Variants in CDC7 observed in about 807,000 individuals in gnomAD.
CDC7 encodes cell division cycle 7-related protein kinase.
A neutral mutation model predicts 53.5 loss-of-function variants in CDC7; 34 were observed. The ratio of observed to expected loss-of-function variants is 0.64; its 90% confidence interval spans 0.48 to 0.85. The LOEUF is 0.85. CDC7 is among the 40% of genes least tolerant of loss of function. CDC7 has a pLI of 0.00. For missense variants in CDC7, 594 were observed against 679.7 expected, an observed-to-expected ratio of 0.87 and a Z score of 1.40; for synonymous variants, 211 against 222.8, an observed-to-expected ratio of 0.95 and a Z score of 0.47.
At chr1:91,502,238 C>T (rs932206818) in intron 2 of CDC7, among the ~76,000 whole-genome samples, 8 of 152,110 alleles carry the variant, frequency 5.3e-5, no homozygotes, top group Non-Finnish European at 1.0e-4. Context: ...ATGTTTGTAG[C>T]AATAATAAAG....
chr1:91,503,667 A>C (rs1005971872), intron 2 of CDC7, among the ~76,000 whole-genome samples: 4 of 152,220 alleles, frequency 2.6e-5, no homozygotes, highest in Non-Finnish European at 5.9e-5. Context: ...GATTTTTATA[A>C]CATTTTTCTG....
intron 11 of CDC7, among the ~76,000 whole-genome samples, chr1:91,520,814 GA>G (rs757654229): frequency 8.5e-5 from 13 of 152,176 alleles, no homozygotes; most frequent in Admixed American, 3.9e-4. Context: ...CGGTAGCAGA[GA>G]AGCAGAATGC....
intron 2 of CDC7, among the ~76,000 whole-genome samples, chr1:91,503,433 T>G (rs773424372): frequency 1.3e-5 from 2 of 152,144 alleles, no homozygotes; most frequent in Non-Finnish European, 2.9e-5. Flanking sequence ...TCAAATTAGA[T>G]CATGAGACAG....
chr1:91,510,614 T>TGTTACAGAC (rs1667237336), intron 4 of CDC7, among the ~76,000 whole-genome samples: 1 of 152,194 alleles, frequency 6.6e-6, no homozygotes, highest in South Asian at 2.1e-4. Context: ...TTTTTCTATA[T>TGTTACAGAC]TTTTAACTGT....
intron 10 of CDC7, among the ~76,000 whole-genome samples, chr1:91,519,466 G>A (rs928724344): frequency 6.6e-6 from 1 of 151,748 alleles, no homozygotes; most frequent in Non-Finnish European, 1.5e-5. Context: ...TGGATTGTTC[G>A]TAACACAAAG....
intron 9 of CDC7, among the ~76,000 whole-genome samples, chr1:91,515,492 T>C (rs1667510806): frequency 6.6e-6 from 1 of 152,244 alleles, no homozygotes; most frequent in Non-Finnish European, 1.5e-5. Flanking sequence ...TTTTTATACC[T>C]GTGAATTGCT....
At chr1:91,506,125 A>C (rs941342130) in intron 2 of CDC7, among the ~76,000 whole-genome samples, 1 of 152,160 alleles carries the variant, frequency 6.6e-6, no homozygotes, top group Non-Finnish European at 1.5e-5. Flanking sequence ...CTTCTGCCTC[A>C]GTCTCTGTAG....
rs770039227 is a variant in CDC7 at position 91,508,294 on chromosome 1, C to T, written c.232C>T (p.Gln78Ter). The T allele has an allele frequency of 3.1e-6, 5 of 1,611,014 alleles. No homozygotes were observed. In the Admixed American group the frequency reaches 6.7e-5, roughly 22 times the overall value. The change falls in exon 4 of 12, where the codon CAG (glutamine) becomes TAG (stop). Residue 78 changes from glutamine to a stop codon, truncating the protein, a stop_gained. Transcript: ENST00000234626. LOFTEE classifies it high-confidence loss of function. ...TFSSVYLATA[Q>*]LQVGPEEKIA... is the part of the protein sequence containing the mutation. The stretch of plus-strand genomic sequence containing the variant: ...CAGCTCTGTTTATTTGGCCACAGCA[C>T]AGTTACAAGTAGGACCTGAAGAGAA...
intron 10 of CDC7, among the ~76,000 whole-genome samples, chr1:91,516,936 GCACCTGTAAT>G (rs1469521716): frequency 2.0e-5 from 3 of 152,034 alleles, no homozygotes; most frequent in African/African-American, 7.2e-5. Flanking sequence ...GTGGTGGTGC[GCACCTGTAAT>G]CCCAGCTACT....
rs1458077227 is a variant in CDC7, at chr1:91,524,104, T to TC, written c.1395dup (p.Arg466GlnfsTer6). The TC allele has an allele frequency of 1.2e-6, 2 of 1,613,816 alleles. No individual in the cohort carries two copies. Among genetic ancestry groups the TC allele is most frequent in the Admixed American group, 3.3e-5 (2 of 59,990 alleles). On this transcript the variant is annotated frameshift_variant, in exon 12 of 12. Coordinates refer to ENST00000234626, the MANE Select transcript of CDC7 (RefSeq NM_003503.4). LOFTEE classifies it low-confidence loss of function (END_TRUNC). ...GACTTGAGAAAACTCTGTGAGAGACTCAGGGGTATGGATTCTAGCACTCCC... is the reference window on the plus strand; with the variant it reads ...GACTTGAGAAAACTCTGTGAGAGACTCCAGGGGTATGGATTCTAGCACTCCC...
At chr1:91,510,946 C>G (rs1034202763) in intron 4 of CDC7, among the ~76,000 whole-genome samples, 1 of 152,120 alleles carries the variant, frequency 6.6e-6, no homozygotes, top group Non-Finnish European at 1.5e-5. Flanking sequence ...TCTTTTCTCG[C>G]TATTAATTTT....
At chr1:91,501,415 G>T (rs1289285591) in intron 1 of CDC7, 5 of 304,800 alleles carry the variant, frequency 1.6e-5, no homozygotes, top group East Asian at 5.6e-5. Context: ...TTCCCACTGC[G>T]CCTGCTGCTG....
intron 7 of CDC7, 148 bp downstream of exon 7, chr1:91,513,455 T>G: frequency 1.7e-6 from 1 of 605,694 alleles, no homozygotes; most frequent in Non-Finnish European, 2.7e-6. Flanking sequence ...GATTAAATTT[T>G]CACTAAGATT....
At chr1:91,521,708 C>G (rs1484434344) in intron 11 of CDC7, among the ~76,000 whole-genome samples, 2 of 152,046 alleles carry the variant, frequency 1.3e-5, no homozygotes, top group South Asian at 2.1e-4. Flanking sequence ...TCAGCCAATA[C>G]CAACATATTT....
intron 2 of CDC7, among the ~76,000 whole-genome samples, chr1:91,505,863 G>A (rs567784241): frequency 6.6e-6 from 1 of 152,290 alleles, no homozygotes; most frequent in African/African-American, 2.4e-5. Context: ...TAATAAGTGA[G>A]TAGTGGTGTG....
chr1:91,524,945 CAAT>C lies in CDC7; in HGVS notation c.*511_*513del, dbSNP rs1668190049. 6.6e-6 allele frequency: 1 copy of C among 152,108 alleles called. No homozygotes were observed. The highest frequency in any genetic ancestry group is 1.5e-5 in the Non-Finnish European group (1 of 68,044). The allele number at this position is 152,108 out of a possible 1,614,324, so 9.4% of individuals were successfully genotyped here. A position where few individuals can be genotyped will look rare whatever the true frequency, so the allele number is the denominator to read the frequency against. On this transcript the variant is annotated 3_prime_UTR_variant, in exon 12 of 12. Coordinates refer to ENST00000234626, the MANE Select transcript of CDC7 (RefSeq NM_003503.4). Reference sequence around the variant, plus strand: ...ATTAGGCCTTTTATGAACACTAAAACAATGAGGAAATGTTGGTCATGGGGCAAA... The same window carrying C: ...ATTAGGCCTTTTATGAACACTAAAACGAGGAAATGTTGGTCATGGGGCAAA...
Position 91,513,961 on chromosome 1 carries a change from G to A in CDC7, c.836G>A (p.Gly279Asp). ...QGKDGKEGSV[G>D]LSVQRSVFGE... ...TTGGTATTGTAGGAGGGATCTGTAG[G>A]CCTTTCTGTCCAGCGCTCTGTTTTT... is the stretch of plus-strand genomic sequence containing the variant. The change falls in exon 8 of 12, where the codon GGC becomes GAC. Residue 279 changes from glycine (G) to aspartate (D), a missense_variant. By Grantham distance (94) the Gly-to-Asp change is moderately conservative. Transcript: ENST00000234626. 6.2e-7 allele frequency: 1 copy of A among 1,610,812 alleles called. No individual in the cohort carries two copies. Among genetic ancestry groups the A allele is most frequent in the Non-Finnish European group, 8.5e-7 (1 of 1,177,342 alleles).
chr1:91,518,018 C>T (rs1174217815), intron 10 of CDC7, among the ~76,000 whole-genome samples: 9 of 132,048 alleles, frequency 6.8e-5, no homozygotes, highest in Admixed American at 6.5e-4. Context: ...GAATTGAACC[C>T]GGGAGGCAGA....
At chr1:91,503,335 T>C (rs149177307) in intron 2 of CDC7, among the ~76,000 whole-genome samples, 1 of 152,298 alleles carries the variant, frequency 6.6e-6, no homozygotes, top group African/African-American at 2.4e-5. Context: ...TAATAACAGC[T>C]AAAGTTATAT....
Sources: allele counts gnomAD v4.1 joint callset (sites outside exome capture counted in the v4.1 genomes callset), GRCh38; gene constraint gnomAD v4.1.1; transcripts MANE v1.5; gene names NCBI Gene and HGNC (gene_info 2026-07-23, HGNC 2026-07-21).